KAZN: variants seen among roughly 807,000 people sequenced by gnomAD.
KAZN encodes the protein kazrin, periplakin interacting protein.
Under a neutral mutation model 87.4 loss-of-function variants are expected in KAZN, and 40 were observed. The observed-to-expected ratio is 0.46, with a 90% CI of 0.36 to 0.60. The LOEUF (loss-of-function observed/expected upper bound fraction) is 0.60. Among genes scored for constraint, KAZN ranks in the 20% least tolerant of loss-of-function variants. The pLI is 0.00. For synonymous variants in KAZN, 466 were observed against 458.3 expected (o/e 1.02, Z -0.22); for missense variants, 898 against 1,073.9 (o/e 0.84, Z 2.29).
At chr1:14,685,543 GCGGCATTCGGCTCAGCACCTGC>G (rs1480104878) in intron 1 of KAZN, among the ~76,000 whole-genome samples, 1 of 152,218 alleles carries the variant, frequency 6.6e-6, no homozygotes, top group African/African-American at 2.4e-5. Flanking sequence ...AATGCTCTTG[GCGGCATTCGGCTCAGCACCTGC>G]CTGAGCATCT....
chr1:14,510,360 G>A (rs1446090929), intron 2 of KAZN, among the ~76,000 whole-genome samples: 3 of 136,374 alleles, frequency 2.2e-5, no homozygotes, highest in East Asian at 2.1e-4. Context: ...CCTGGGCAAC[G>A]AGAGCAAAAC....
chr1:14,927,823 C>T (rs1384175345), intron 1 of KAZN, among the ~76,000 whole-genome samples: 1 of 152,122 alleles, frequency 6.6e-6, no homozygotes, highest in Non-Finnish European at 1.5e-5. Context: ...GGGTTCTTAT[C>T]ACTTCTTGCC....
At chr1:14,656,706 G>A (rs989237350) in intron 1 of KAZN, among the ~76,000 whole-genome samples, 22 of 152,130 alleles carry the variant, frequency 1.4e-4, no homozygotes, top group Non-Finnish European at 8.8e-5. Context: ...CCAAGGGGAC[G>A]GCGCTACGCG....
intron 2 of KAZN, among the ~76,000 whole-genome samples, chr1:14,542,239 A>T (rs1406505475): frequency 6.8e-6 from 1 of 147,714 alleles, no homozygotes; most frequent in Non-Finnish European, 1.5e-5. Flanking sequence ...GTGGGAATTG[A>T]ACAATGAGAA....
intron 1 of KAZN, among the ~76,000 whole-genome samples, chr1:14,867,724 A>ATCCCCCC (rs35065469): frequency 7.4e-4 from 79 of 107,420 alleles, no homozygotes; most frequent in Non-Finnish European, 8.7e-4. Context: ...CTTTGAAGAC[A>ATCCCCCC]CCCCCCCCCC....
intron 1 of KAZN, among the ~76,000 whole-genome samples, chr1:13,936,972 A>C (rs1640764121): frequency 6.6e-6 from 1 of 150,708 alleles, no homozygotes; most frequent in African/African-American, 2.4e-5. Flanking sequence ...GAGCATTTTT[A>C]TGTATGTTTT....
At chr1:14,501,976 G>C (rs1211850334) in intron 2 of KAZN, among the ~76,000 whole-genome samples, 1 of 152,150 alleles carries the variant, frequency 6.6e-6, no homozygotes, top group South Asian at 2.1e-4. Context: ...AATGAAGAGA[G>C]ACTAGTAATG....
chr1:14,165,145 T>C (rs574540469), intron 1 of KAZN, among the ~76,000 whole-genome samples: 69 of 152,324 alleles, frequency 4.5e-4, no homozygotes, highest in African/African-American at 1.4e-3. Flanking sequence ...GCTAGTTTTA[T>C]GTATTTCTGA....
chr1:14,674,503 C>T (rs918616106), intron 1 of KAZN, among the ~76,000 whole-genome samples: 1 of 152,202 alleles, frequency 6.6e-6, no homozygotes, highest in African/African-American at 2.4e-5. Flanking sequence ...CCACCTTCTT[C>T]AGGGATACAT....
intron 2 of KAZN, among the ~76,000 whole-genome samples, chr1:14,323,703 C>A (rs1003560548): frequency 1.3e-5 from 2 of 152,176 alleles, no homozygotes; most frequent in South Asian, 2.1e-4. Flanking sequence ...TTCTTATTTT[C>A]TTTTCCCTGA....
intron 4 of KAZN, among the ~76,000 whole-genome samples, chr1:15,044,712 G>A (rs34925729): frequency 0.24 from 35,550 of 147,610 alleles, 4,396 homozygotes; most frequent in African/African-American, 0.27. Context: ...CTGGGCGACA[G>A]TGAGACCCTG....
At chr1:14,110,254 C>A (rs1368505141) in intron 1 of KAZN, among the ~76,000 whole-genome samples, 4 of 152,132 alleles carry the variant, frequency 2.6e-5, no homozygotes, top group African/African-American at 9.7e-5. Context: ...AACATGAGGG[C>A]ATGGGTTCCA....
chr1:14,520,959 G>A (rs193008863), intron 2 of KAZN, among the ~76,000 whole-genome samples: 5 of 152,310 alleles, frequency 3.3e-5, no homozygotes, highest in Non-Finnish European at 7.3e-5. Context: ...TTGGGAAGAA[G>A]GCCCATGAGA....
chr1:14,609,033 G>A (rs1042953246), intron 1 of KAZN, among the ~76,000 whole-genome samples: 5 of 152,128 alleles, frequency 3.3e-5, no homozygotes. Flanking sequence ...TTGATACTGG[G>A]CCTGGAGAGT....
Position 14,976,087 on chromosome 1 carries a change from C to T in KAZN, c.418+15212C>T, listed in dbSNP as rs558693527. 4.5e-4 allele frequency among the ~76,000 whole-genome samples: 68 copies of T among 151,592 alleles called. 1 individual carries two copies. The highest frequency in any genetic ancestry group is 2.7e-3 in the South Asian group (13 of 4,784). ...AGTACACTCAGCTCTCAGACCTGCG[C>T]GGTGAGCCCGCACACTGCACAGCCG... On this transcript the variant is annotated intron_variant, in intron 2 of 14. Transcript: ENST00000376030.
At chr1:14,437,877 AAGG>A (rs1295590986) in intron 2 of KAZN, among the ~76,000 whole-genome samples, 2 of 152,024 alleles carry the variant, frequency 1.3e-5, no homozygotes, top group Non-Finnish European at 2.9e-5. Flanking sequence ...GAGAAAGAAA[AAGG>A]AGGAGGAGGA....
chr1:14,540,449 G>A (rs777302184), intron 2 of KAZN, among the ~76,000 whole-genome samples: 9 of 152,114 alleles, frequency 5.9e-5, no homozygotes, highest in Non-Finnish European at 1.2e-4. Flanking sequence ...AAATGCCTTC[G>A]TAGCCAGGGA....
At chr1:14,486,924 C>T (rs1383767602) in intron 2 of KAZN, among the ~76,000 whole-genome samples, 1 of 152,174 alleles carries the variant, frequency 6.6e-6, no homozygotes, top group South Asian at 2.1e-4. Flanking sequence ...TTATCTGAAG[C>T]AATTATTCAC....
At chr1:14,606,801 G>A (rs544989583) in intron 1 of KAZN, among the ~76,000 whole-genome samples, 49 of 152,248 alleles carry the variant, frequency 3.2e-4, no homozygotes, top group African/African-American at 1.2e-3. Flanking sequence ...ATATTTAGCA[G>A]CATTCCTGGC....
Sources: gnomAD v4.1 joint callset for allele counts (sites outside exome capture counted in the v4.1 genomes callset) on GRCh38, gnomAD v4.1.1 for gene constraint, MANE v1.5 for transcripts, NCBI Gene and HGNC (gene_info 2026-07-23, HGNC 2026-07-21) for gene names.